The following SORCS1 variants were observed in gnomAD, a reference collection of about 807,000 sequenced individuals.
SORCS1 encodes sortilin related VPS10 domain containing receptor 1.
In SORCS1, 60 loss-of-function variants were observed where a neutral mutation model predicts 146.1. That is an observed-to-expected ratio of 0.41 (90% CI 0.33 to 0.51). The LOEUF (loss-of-function observed/expected upper bound fraction) is 0.51. Among genes scored for constraint, SORCS1 ranks in the 20% least tolerant of loss-of-function variants. SORCS1 has a pLI of 0.21. For missense variants in SORCS1, 1,352 were observed against 1,487.6 expected (o/e 0.91, Z 1.50); for synonymous variants, 637 against 584.0 (o/e 1.09, Z -1.31).
chr10:107,021,681 C>T (rs796361987), intron 1 of SORCS1, among the ~76,000 whole-genome samples: 27 of 152,092 alleles, frequency 1.8e-4, no homozygotes, highest in African/African-American at 6.3e-4. Flanking sequence ...AGTCTTGATA[C>T]CTAATTCTAT....
chr10:106,809,768 G>C (rs1346757647), intron 3 of SORCS1, among the ~76,000 whole-genome samples: 1 of 152,142 alleles, frequency 6.6e-6, no homozygotes, highest in Non-Finnish European at 1.5e-5. Context: ...CTGTGTATTT[G>C]TGTCTGTCTC....
chr10:106,869,169 TAAC>T (rs1470712675), intron 2 of SORCS1, among the ~76,000 whole-genome samples: 1 of 152,002 alleles, frequency 6.6e-6, no homozygotes, highest in African/African-American at 2.4e-5. Context: ...AACAGAACAA[TAAC>T]AAGCTCTGAT....
intron 2 of SORCS1, among the ~76,000 whole-genome samples, chr10:106,888,555 G>A (rs1389471450): frequency 6.6e-6 from 1 of 152,142 alleles, no homozygotes; most frequent in African/African-American, 2.4e-5. Flanking sequence ...TTTTACTAGT[G>A]GGAAATCAAT....
At chr10:106,924,127 G>A (rs1208153035) in intron 2 of SORCS1, among the ~76,000 whole-genome samples, 1 of 152,070 alleles carries the variant, frequency 6.6e-6, no homozygotes, top group Admixed American at 6.5e-5. Context: ...GGAGGCACAT[G>A]CCTGTAATCC....
intron 19 of SORCS1, among the ~76,000 whole-genome samples, chr10:106,628,802 G>C (rs184489097): frequency 6.6e-6 from 1 of 152,232 alleles, no homozygotes; most frequent in Admixed American, 6.5e-5. Flanking sequence ...TTCTTTACTT[G>C]GGCTAATTCT....
chr10:106,779,896 TTA>T (rs766353608), intron 3 of SORCS1, among the ~76,000 whole-genome samples: 65 of 152,312 alleles, frequency 4.3e-4, no homozygotes, highest in South Asian at 8.3e-4. Flanking sequence ...ATTAATTAAA[TTA>T]TGATTGTTGT....
intron 2 of SORCS1, among the ~76,000 whole-genome samples, chr10:106,930,633 C>T (rs974344431): frequency 3.9e-4 from 60 of 152,264 alleles, no homozygotes; most frequent in African/African-American, 1.4e-3. Flanking sequence ...TTTATAACAT[C>T]GCATGCTTGA....
At chr10:107,097,602 C>T (rs1255643897) in intron 1 of SORCS1, among the ~76,000 whole-genome samples, 2 of 152,136 alleles carry the variant, frequency 1.3e-5, no homozygotes, top group African/African-American at 2.4e-5. Context: ...AGCCTCTCTG[C>T]CAGGCCACAC....
At chr10:106,927,556 G>C (rs560350914) in intron 2 of SORCS1, among the ~76,000 whole-genome samples, 2 of 151,636 alleles carry the variant, frequency 1.3e-5, no homozygotes, top group South Asian at 2.1e-4. Context: ...CTGCTAGCTC[G>C]GGCAGCCTGT....
chr10:106,895,984 T>G (rs1386551976), intron 2 of SORCS1, among the ~76,000 whole-genome samples: 1 of 151,858 alleles, frequency 6.6e-6, no homozygotes, highest in Non-Finnish European at 1.5e-5. Context: ...CATATAATAT[T>G]TAGCCTTACA....
At chr10:106,969,111 A>G (rs1955646781) in intron 1 of SORCS1, among the ~76,000 whole-genome samples, 1 of 152,194 alleles carries the variant, frequency 6.6e-6, no homozygotes. Context: ...AAAGAACAAG[A>G]CTTTCTGTTA....
intron 4 of SORCS1, among the ~76,000 whole-genome samples, chr10:106,774,229 A>G (rs963222357): frequency 6.6e-6 from 1 of 152,138 alleles, no homozygotes; most frequent in Non-Finnish European, 1.5e-5. Context: ...ATATCATCCC[A>G]ACTGGTCTTG....
intron 9 of SORCS1, 56 bp from the exon 10 acceptor site, chr10:106,688,394 T>C (rs1853033682): frequency 1.9e-6 from 3 of 1,568,850 alleles, no homozygotes; most frequent in South Asian, 1.2e-5. Flanking sequence ...GATATATTTG[T>C]TTACTTTTTA....
At chr10:106,620,981 C>G (rs928239342) in intron 19 of SORCS1, among the ~76,000 whole-genome samples, 1 of 152,156 alleles carries the variant, frequency 6.6e-6, no homozygotes, top group Non-Finnish European at 1.5e-5. Context: ...CTTCAAACCA[C>G]TCTCTATGTC....
intron 2 of SORCS1, among the ~76,000 whole-genome samples, chr10:106,916,304 T>G (rs1420014342): frequency 6.6e-6 from 1 of 152,102 alleles, no homozygotes; most frequent in Admixed American, 6.6e-5. Context: ...CTCAAACTAT[T>G]TATTTAATGA....
rs149063878 is a variant in SORCS1, at chr10:106,639,708, C to T, written c.2476-10320G>A. ...AAAGCCTCAAATCTCTAAGGCTCAT[C>T]GAAATCAGCTTCCACTCCTTTGTAT... On this transcript the variant is annotated intron_variant, in intron 18 of 25. Coordinates refer to ENST00000263054, the MANE Select transcript of SORCS1 (RefSeq NM_052918.5). Among the ~76,000 whole-genome samples the T allele has an allele frequency of 7.1e-4, 108 of 152,236 alleles. 1 individual carries two copies. Among genetic ancestry groups the T allele is most frequent in the Middle Eastern group, 3.4e-3 (1 of 294 alleles).
chr10:106,675,290 A>G, intron 13 of SORCS1, 134 bp from the exon 14 acceptor site: 2 of 622,246 alleles, frequency 3.2e-6, no homozygotes, highest in Non-Finnish European at 5.5e-6. Flanking sequence ...AGCCTTTCAT[A>G]TGAATAAGTA....
chr10:106,652,216 AG>A (rs1808037796), intron 18 of SORCS1, among the ~76,000 whole-genome samples, 165 bp downstream of exon 18: 1 of 152,210 alleles, frequency 6.6e-6, no homozygotes, highest in Non-Finnish European at 1.5e-5. Flanking sequence ...AGATCAGGGA[AG>A]GTGAAGTGAT....
intron 10 of SORCS1, among the ~76,000 whole-genome samples, chr10:106,686,630 C>T (rs575323717): frequency 6.6e-6 from 1 of 152,310 alleles, no homozygotes; most frequent in South Asian, 2.1e-4. Context: ...TACTCTGTCA[C>T]TGGCATTGTG....
Sources: allele counts gnomAD v4.1 joint callset (sites outside exome capture counted in the v4.1 genomes callset), GRCh38; gene constraint gnomAD v4.1.1; transcripts MANE v1.5; gene names NCBI Gene and HGNC (gene_info 2026-07-23, HGNC 2026-07-21).